Variants in ITPR1 observed in about 807,000 individuals in gnomAD.
ITPR1 encodes the protein inositol 1,4,5-trisphosphate receptor type 1.
Under a neutral mutation model 318.4 loss-of-function variants are expected in ITPR1, and 96 were observed. That is an observed-to-expected ratio of 0.30 (90% CI 0.26 to 0.36). The LOEUF is 0.36. Ranked by LOEUF, ITPR1 falls within the 10% of genes least tolerant of loss-of-function variation. The probability of loss-of-function intolerance (pLI) is 1.00; values close to 1 mark genes in which losing one functional copy is unlikely to be tolerated. For missense variants in ITPR1, 2,440 were observed against 3,460.2 expected (o/e 0.71, Z 7.40); for synonymous variants, 1,312 against 1,289.9 (o/e 1.02, Z -0.37).
intron 32 of ITPR1, among the ~76,000 whole-genome samples, chr3:4,691,858 G>A (rs1313739815): frequency 1.3e-5 from 2 of 152,148 alleles, no homozygotes; most frequent in Non-Finnish European, 2.9e-5. Context: ...AGGGTAGTGT[G>A]ATTAAGAGTT....
intron 53 of ITPR1, chr3:4,799,920 CG>C (rs1426357340): frequency 1.3e-5 from 2 of 152,816 alleles, no homozygotes; most frequent in African/African-American, 4.8e-5. Context: ...TAGGCTTCCA[CG>C]TCGCCTTCTT....
chr3:4,658,925 T>C (rs973847945), intron 13 of ITPR1, among the ~76,000 whole-genome samples: 1 of 152,162 alleles, frequency 6.6e-6, no homozygotes, highest in Non-Finnish European at 1.5e-5. Flanking sequence ...GTACTCTACT[T>C]GTGTTATATA....
Position 4,710,205 on chromosome 3 carries a change from T to C in ITPR1, c.4843-120T>C. Reference sequence around the variant, plus strand: ...AATAATTTGAGATGCCAGACGGTACTAAAGTTACTCTAACCTAGCCTACCC... The same window carrying C: ...AATAATTTGAGATGCCAGACGGTACCAAAGTTACTCTAACCTAGCCTACCC... On this transcript the variant is annotated intron_variant, in intron 37 of 61. Coordinates refer to ENST00000649015, the MANE Select transcript of ITPR1 (RefSeq NM_001378452.1). This position sits in a 1 kb window ranked among gnomAD's most constrained non-coding sequence, Gnocchi z 4.2. 4 of 923,332 alleles carry C rather than the reference T, an allele frequency of 4.3e-6. No individual in the cohort carries two copies. The South Asian group carries it at 1.1e-4, about 26-fold the overall frequency. 57.2% of individuals were successfully genotyped at this position (923,332 alleles called of 1,614,324 possible).
chr3:4,499,103 A>G (rs78700505), intron 2 of ITPR1, among the ~76,000 whole-genome samples: 2,789 of 152,296 alleles, frequency 0.018, 81 homozygotes, highest in African/African-American at 0.064. Flanking sequence ...GTAATATACT[A>G]TGATTGCATC....
chr3:4,603,645 G>T (rs2091476244), intron 4 of ITPR1, among the ~76,000 whole-genome samples: 2 of 152,156 alleles, frequency 1.3e-5, no homozygotes, highest in African/African-American at 4.8e-5. Flanking sequence ...GGACAGGATG[G>T]TCTTGATTTC....
chr3:4,531,408 G>T (rs1054902413), intron 4 of ITPR1, among the ~76,000 whole-genome samples: 20 of 152,104 alleles, frequency 1.3e-4, no homozygotes, highest in African/African-American at 4.8e-4. Flanking sequence ...TTCCACCTTT[G>T]CCTCCTTTGT....
At chr3:4,747,167 T>G (rs2044169007) in intron 44 of ITPR1, among the ~76,000 whole-genome samples, 1 of 152,198 alleles carries the variant, frequency 6.6e-6, no homozygotes. Context: ...TTCTTCTTCT[T>G]TGTAATAATG....
At chr3:4,752,775 T>A (rs2044643068) in intron 44 of ITPR1, among the ~76,000 whole-genome samples, 1 of 152,230 alleles carries the variant, frequency 6.6e-6, no homozygotes, top group South Asian at 2.1e-4. Flanking sequence ...CTAGAACTAC[T>A]GGCTTGTGTC....
intron 32 of ITPR1, 25 bp downstream of exon 32, chr3:4,691,369 C>T: frequency 6.8e-7 from 1 of 1,479,274 alleles, no homozygotes; most frequent in Non-Finnish European, 9.4e-7. Context: ...TTTCTGTATA[C>T]CTCCATCTGG....
chr3:4,502,321 G>A (rs2081082265), intron 2 of ITPR1, among the ~76,000 whole-genome samples: 1 of 152,038 alleles, frequency 6.6e-6, no homozygotes, highest in African/African-American at 2.4e-5. Context: ...TGGGCCTTTT[G>A]TGTTTTTTTA....
chr3:4,719,251 CTGT>C (rs2041979079), intron 40 of ITPR1, among the ~76,000 whole-genome samples: 1 of 152,246 alleles, frequency 6.6e-6, no homozygotes, highest in African/African-American at 2.4e-5. Context: ...GAAGAAGCAA[CTGT>C]GGATCCCCTT....
intron 33 of ITPR1, among the ~76,000 whole-genome samples, chr3:4,695,798 G>C (rs997223161): frequency 6.6e-6 from 1 of 152,146 alleles, no homozygotes; most frequent in Admixed American, 6.5e-5. Flanking sequence ...CACCATGATA[G>C]GTTTTTCATT....
intron 31 of ITPR1, among the ~76,000 whole-genome samples, chr3:4,689,736 A>C (rs2094451633): frequency 6.6e-6 from 1 of 152,254 alleles, no homozygotes; most frequent in Non-Finnish European, 1.5e-5. Flanking sequence ...CTAGAAGGTA[A>C]CATGAGAATC....
chr3:4,798,961 A>C (rs2048056800), intron 53 of ITPR1, among the ~76,000 whole-genome samples: 2 of 152,250 alleles, frequency 1.3e-5, no homozygotes, highest in Non-Finnish European at 2.9e-5. Flanking sequence ...GCAAAGAGGC[A>C]CAAGGAGACT....
chr3:4,791,354 G>A (rs1397907258), intron 52 of ITPR1, among the ~76,000 whole-genome samples: 2 of 152,208 alleles, frequency 1.3e-5, no homozygotes, highest in African/African-American at 4.8e-5. Flanking sequence ...TCGGAGGGAT[G>A]ATTTGGGGAT....
At chr3:4,532,423 G>A (rs1485445265) in intron 4 of ITPR1, among the ~76,000 whole-genome samples, 1 of 152,152 alleles carries the variant, frequency 6.6e-6, no homozygotes, top group Non-Finnish European at 1.5e-5. Flanking sequence ...GGAGAGCAGT[G>A]ATGCAATCAA....
At chr3:4,726,435 C>CT (rs2042522784) in intron 41 of ITPR1, among the ~76,000 whole-genome samples, 1 of 152,042 alleles carries the variant, frequency 6.6e-6, no homozygotes, top group Non-Finnish European at 1.5e-5. Flanking sequence ...CATAGAGAAG[C>CT]TTTTTGGGGA....
intron 60 of ITPR1, among the ~76,000 whole-genome samples, chr3:4,833,556 G>C (rs917151858): frequency 6.6e-6 from 1 of 152,220 alleles, no homozygotes; most frequent in Non-Finnish European, 1.5e-5. Context: ...CTAGCAGTGA[G>C]GACTGTGAAT....
chr3:4,563,338 C>T (rs1013005008), intron 4 of ITPR1, among the ~76,000 whole-genome samples: 10 of 151,894 alleles, frequency 6.6e-5, no homozygotes, highest in Admixed American at 3.3e-4. Context: ...GGACACCGTA[C>T]GTCTACAAAG....
Sources: allele counts gnomAD v4.1 joint callset (sites outside exome capture counted in the v4.1 genomes callset), GRCh38; gene constraint gnomAD v4.1.1; non-coding constraint Gnocchi (gnomAD v3.1); transcripts MANE v1.5; gene names NCBI Gene and HGNC (gene_info 2026-07-23, HGNC 2026-07-21).